Variants in DENND11 observed in about 807,000 individuals in gnomAD.
The protein encoded by DENND11 is DENN domain containing 11.
A neutral mutation model predicts 49.2 loss-of-function variants in DENND11; 34 were observed. The observed-to-expected ratio is 0.69, with a 90% CI of 0.53 to 0.92. The LOEUF (loss-of-function observed/expected upper bound fraction) is 0.92. Among genes scored for constraint, DENND11 ranks in the 40% least tolerant of loss-of-function variants. The probability of loss-of-function intolerance (pLI) is 0.00; values close to 1 mark genes in which losing one functional copy is unlikely to be tolerated. For synonymous variants in DENND11, 238 were observed against 230.3 expected (o/e 1.03, Z -0.30); for missense variants, 475 against 581.6 (o/e 0.82, Z 1.88).
At chr7:141,667,670 C>T (rs949917132) in intron 4 of DENND11, among the ~76,000 whole-genome samples, 8 of 152,224 alleles carry the variant, frequency 5.3e-5, no homozygotes, top group East Asian at 3.9e-4. Context: ...TCTCGGGCTG[C>T]GTGCTAGGGT....
intron 4 of DENND11, among the ~76,000 whole-genome samples, chr7:141,668,584 A>AAAACAAAC (rs879517125): frequency 6.7e-6 from 1 of 149,058 alleles, no homozygotes; most frequent in Non-Finnish European, 1.5e-5. Flanking sequence ...AGACTGTCTC[A>AAAACAAAC]AAACAAACAA....
In DENND11 at chr7:141,659,462, C is replaced by T. The variant is rs1461943920; in HGVS notation, c.*3194G>A. 1 of 152,212 alleles carries T rather than the reference C, an allele frequency of 6.6e-6. No individual in the cohort carries two copies. Among genetic ancestry groups the T allele is most frequent in the Non-Finnish European group, 1.5e-5 (1 of 68,048 alleles). The allele number at this position is 152,212 out of a possible 1,614,324, so 9.4% of individuals were successfully genotyped here. The stretch of plus-strand genomic sequence containing the variant: ...AGCCAGGGGCCAACTGGACATTTTC[C>T]CAAAGGCTGGGCAGTATCATCTGCT... On this transcript the variant is annotated 3_prime_UTR_variant, in exon 9 of 9. Transcript: ENST00000536163.
chr7:141,684,201 T>G (rs1798194302), intron 3 of DENND11, among the ~76,000 whole-genome samples: 1 of 152,194 alleles, frequency 6.6e-6, no homozygotes, highest in African/African-American at 2.4e-5. Context: ...CCTCCTAAAG[T>G]GCTGGGATTA....
intron 4 of DENND11, among the ~76,000 whole-genome samples, chr7:141,671,694 C>A (rs905158628): frequency 2.6e-5 from 4 of 152,150 alleles, no homozygotes; most frequent in Non-Finnish European, 4.4e-5. Flanking sequence ...ACATTTAGGT[C>A]AGATGCTGGT....
chr7:141,693,978 CAAT>C (rs781419264), intron 1 of DENND11, among the ~76,000 whole-genome samples: 20 of 151,978 alleles, frequency 1.3e-4, no homozygotes, highest in Non-Finnish European at 2.9e-4. Flanking sequence ...TTTAAATAAA[CAAT>C]AATGTATCAA....
At position 141,658,644 on chromosome 7, in the gene DENND11, A is replaced by T. The variant is rs78354123; in HGVS notation, c.*4012T>A. 6,216 of 152,306 alleles carry T rather than the reference A, an allele frequency of 0.041. 183 individuals are homozygous for T. Among genetic ancestry groups the T allele is most frequent in the Non-Finnish European group, 0.063 (4,278 of 68,084 alleles). 9.4% of individuals were successfully genotyped at this position (152,306 alleles called of 1,614,324 possible). On this transcript the variant is annotated 3_prime_UTR_variant, in exon 9 of 9. Coordinates refer to ENST00000536163, the MANE Select transcript of DENND11 (RefSeq NM_001080392.2). ...CCACTGCCAAGCTGAGCATTATCCT[A>T]TTTTATTCATCCACCTGCCCCTCCT...
chr7:141,674,265 A>ACAC, intron 3 of DENND11, 45 bp from the exon 4 acceptor site: 1 of 1,500,698 alleles, frequency 6.7e-7, no homozygotes, highest in African/African-American at 1.4e-5. Flanking sequence ...ACACAGTGAG[A>ACAC]ACAGCCCTGG....
chr7:141,677,767 T>C (rs961678184), intron 3 of DENND11, among the ~76,000 whole-genome samples: 1 of 151,806 alleles, frequency 6.6e-6, no homozygotes. Context: ...ACAAGGATGC[T>C]GATGTTCACA....
chr7:141,668,368 C>A (rs2117055009), intron 4 of DENND11, among the ~76,000 whole-genome samples: 1 of 152,192 alleles, frequency 6.6e-6, no homozygotes, highest in East Asian at 1.9e-4. Flanking sequence ...GGGTGGATCA[C>A]AAGGTCAGGA....
chr7:141,688,876 C>T (rs185725141), intron 1 of DENND11, among the ~76,000 whole-genome samples: 54 of 152,324 alleles, frequency 3.5e-4, no homozygotes, highest in East Asian at 7.7e-4. Context: ...ACGCTCCTAA[C>T]GCTTAACAGT....
chr7:141,674,640 A>G (rs1798037681), intron 3 of DENND11, among the ~76,000 whole-genome samples: 1 of 152,022 alleles, frequency 6.6e-6, no homozygotes, highest in South Asian at 2.1e-4. Context: ...TGTTTAGAGA[A>G]CTCACGCTTG....
rs1320566168 is a variant in DENND11, at chr7:141,674,159, C to G, written c.589G>C (p.Gly197Arg). 3.8e-6 allele frequency: 6 copies of G among 1,567,720 alleles called. No individual in the cohort carries two copies. Among genetic ancestry groups the G allele is most frequent in the Non-Finnish European group, 4.3e-6 (5 of 1,156,134 alleles). Reference protein sequence around the residue: ...HLAAFYEDKKGVLHAGPGRGS... With the variant: ...HLAAFYEDKKRVLHAGPGRGS... ...CTGCCGGGACCAGCATGGAGCACCC[C>G]CTTTTTGTCCTCATAGAAGGCAGCC... Residue 197 changes from glycine to arginine, a missense_variant, in exon 4 of 9, where the codon GGG becomes CGG. Physicochemically the swap from Gly to Arg is moderately radical, Grantham distance 125. Coordinates refer to ENST00000536163, the MANE Select transcript of DENND11 (RefSeq NM_001080392.2).
At chr7:141,668,010 A>C (rs768757045) in intron 4 of DENND11, among the ~76,000 whole-genome samples, 3 of 152,252 alleles carry the variant, frequency 2.0e-5, no homozygotes, top group Non-Finnish European at 4.4e-5. Context: ...GTCTAACAGC[A>C]ACCAGATAGG....
At chr7:141,695,462 C>A (rs1265504168) in intron 1 of DENND11, among the ~76,000 whole-genome samples, 2 of 152,174 alleles carry the variant, frequency 1.3e-5, no homozygotes, top group African/African-American at 4.8e-5. Context: ...TGAAGTTATC[C>A]TACAGAAACA....
chr7:141,683,644 A>G lies in DENND11; in HGVS notation c.527+1834T>C, dbSNP rs143443703. On this transcript the variant is annotated intron_variant, in intron 3 of 8. Coordinates refer to ENST00000536163, the MANE Select transcript of DENND11 (RefSeq NM_001080392.2). ...GGCGACAGAGTGAGACTCCATCTCAACAAACAAAAACAACAACAACAAAAC... is the reference window on the plus strand; with the variant it reads ...GGCGACAGAGTGAGACTCCATCTCAGCAAACAAAAACAACAACAACAAAAC... Among the ~76,000 whole-genome samples, 511 of 152,272 alleles carry G rather than the reference A, an allele frequency of 3.4e-3. 6 individuals carry two copies. The highest frequency in any genetic ancestry group is 0.012 in the African/African-American group (501 of 41,522).
In DENND11 at chr7:141,662,651, T is replaced by C; in HGVS notation, c.*5A>G. The C allele has an allele frequency of 6.4e-7, 1 of 1,556,132 alleles. No individual in the cohort carries two copies. The highest frequency in any genetic ancestry group is 8.7e-7 in the Non-Finnish European group (1 of 1,150,722). Reference sequence around the variant, plus strand: ...TGAAGTGGCTCCCAGTCCTGTTGGCTCCTCCTACGGGCAACAGGGGTTGTC... The same window carrying C: ...TGAAGTGGCTCCCAGTCCTGTTGGCCCCTCCTACGGGCAACAGGGGTTGTC... On this transcript the variant is annotated 3_prime_UTR_variant, in exon 9 of 9. Transcript: ENST00000536163.
chr7:141,695,063 C>T (rs1427001777), intron 1 of DENND11, among the ~76,000 whole-genome samples: 2 of 152,052 alleles, frequency 1.3e-5, no homozygotes, highest in Admixed American at 6.5e-5. Flanking sequence ...CAAAACTGTC[C>T]TATAGTTTTT....
chr7:141,697,785 G>A (rs1361755189), intron 1 of DENND11, among the ~76,000 whole-genome samples: 1 of 152,060 alleles, frequency 6.6e-6, no homozygotes, highest in Admixed American at 6.5e-5. Flanking sequence ...ACTATACAGG[G>A]AATCTACAGA....
chr7:141,688,141 T>C (rs958572676), intron 1 of DENND11, among the ~76,000 whole-genome samples: 1 of 152,206 alleles, frequency 6.6e-6, no homozygotes, highest in Non-Finnish European at 1.5e-5. Flanking sequence ...AACTACACAA[T>C]AGCAGTGTTA....
Sources: allele counts gnomAD v4.1 joint callset (sites outside exome capture counted in the v4.1 genomes callset), GRCh38; gene constraint gnomAD v4.1.1; transcripts MANE v1.5; gene names NCBI Gene and HGNC (gene_info 2026-07-23, HGNC 2026-07-21).